Variants in GLIS3 observed in about 807,000 individuals in gnomAD.
GLIS3 encodes zinc finger protein GLIS3.
In GLIS3, 53 loss-of-function variants were observed where a neutral mutation model predicts 78.6. That is an observed-to-expected ratio of 0.67 (90% CI 0.54 to 0.85). The LOEUF (loss-of-function observed/expected upper bound fraction) is 0.85, where lower values mean the gene tolerates loss of function less well. Among genes scored for constraint, GLIS3 ranks in the 40% least tolerant of loss-of-function variants. The pLI is 0.00. For missense variants in GLIS3, 1,703 were observed against 1,231.1 expected (o/e 1.38, Z -5.74); for synonymous variants, 684 against 509.9 (o/e 1.34, Z -4.60).
At chr9:4,059,829 T>TGTGTGTGTGAGAGAGAGAGAGAGAGAGA in intron 4 of GLIS3, among the ~76,000 whole-genome samples, 1 of 100,648 alleles carries the variant, frequency 9.9e-6, no homozygotes, top group Non-Finnish European at 2.1e-5. Flanking sequence ...TGTGTGTGTG[T>TGTGTGTGTGAGAGAGAGAGAGAGAGAGA]GAGAGAGAGA....
chr9:4,444,532 C>G, the GLIS3 span, among the ~76,000 whole-genome samples: 1 of 121,210 alleles, frequency 8.3e-6, no homozygotes, highest in Non-Finnish European at 1.9e-5. Context: ...TGTATTCCAA[C>G]AACTTCAAAC....
the GLIS3 span, among the ~76,000 whole-genome samples, chr9:4,442,073 C>A: frequency 1.3e-5 from 2 of 152,192 alleles, no homozygotes; most frequent in Non-Finnish European, 2.9e-5. Context: ...GTGAAACTAT[C>A]AAGTTCCAGG....
intron 1 of GLIS3, among the ~76,000 whole-genome samples, chr9:4,296,847 A>G (rs1454759286): frequency 6.6e-6 from 1 of 151,724 alleles, no homozygotes; most frequent in African/African-American, 2.4e-5. Flanking sequence ...GTGAAAATAA[A>G]TGAAAACTGC....
chr9:4,050,881 C>A (rs985481845), intron 4 of GLIS3, among the ~76,000 whole-genome samples: 1 of 152,192 alleles, frequency 6.6e-6, no homozygotes, highest in African/African-American at 2.4e-5. Context: ...AGCCTTCACA[C>A]CTGCAGGTGA....
Position 4,065,046 on chromosome 9 carries a change from G to A in GLIS3, c.1710+52722C>T, listed in dbSNP as rs1286227876. Among the ~76,000 whole-genome samples the A allele has an allele frequency of 3.3e-5, 5 of 152,172 alleles. No homozygotes were observed. In the South Asian group the frequency reaches 1.0e-3, roughly 32 times the overall value. ...AGAAAAGGGAAAAAGTTGGATTCTAGAAACTACAAAAGGCCAATGACTTTA... is the reference window on the plus strand; with the variant it reads ...AGAAAAGGGAAAAAGTTGGATTCTAAAAACTACAAAAGGCCAATGACTTTA... On this transcript the variant is annotated intron_variant, in intron 4 of 10. Transcript: ENST00000381971.
chr9:4,471,636 C>G, the GLIS3 span, among the ~76,000 whole-genome samples: 1 of 152,170 alleles, frequency 6.6e-6, no homozygotes, highest in East Asian at 1.9e-4. Flanking sequence ...TAAGTTAGAT[C>G]TAAAACCATA....
chr9:4,079,476 T>G (rs1375315549), intron 4 of GLIS3, among the ~76,000 whole-genome samples: 1 of 152,144 alleles, frequency 6.6e-6, no homozygotes, highest in African/African-American at 2.4e-5. Flanking sequence ...CTGGGGCAGT[T>G]CATCCCACTG....
At chr9:4,054,538 A>G (rs1303214694) in intron 4 of GLIS3, 1 of 975,672 alleles carries the variant, frequency 1.0e-6, no homozygotes, top group Non-Finnish European at 1.2e-6. Context: ...GCAAACACAG[A>G]TCTGATCAGT....
chr9:4,058,954 C>A (rs1056087897), intron 4 of GLIS3, among the ~76,000 whole-genome samples: 1 of 151,140 alleles, frequency 6.6e-6, no homozygotes, highest in African/African-American at 2.4e-5. Context: ...TGCACTCCAG[C>A]GTGGGCCACA....
chr9:4,088,765 G>A lies in GLIS3; in HGVS notation c.1710+29003C>T, dbSNP rs370055747. On this transcript the variant is annotated intron_variant, in intron 4 of 10. Transcript: ENST00000381971. ...AAATTTTAGTGCCTTTTACTATGAC[G>A]GAAATAAAATTATGTAGTTTCACAT... is the stretch of plus-strand genomic sequence containing the variant. Among the ~76,000 whole-genome samples, 13 of 152,230 alleles carry A rather than the reference G, an allele frequency of 8.5e-5. No individual in the cohort carries two copies. The East Asian group carries it at 1.2e-3, about 14-fold the overall frequency.
chr9:4,347,716 T>A (rs1433093079), intron 1 of GLIS3, among the ~76,000 whole-genome samples: 1 of 152,180 alleles, frequency 6.6e-6, no homozygotes, highest in Admixed American at 6.5e-5. Flanking sequence ...TTGTTTGTTT[T>A]TGGTTTGGTT....
the GLIS3 span, among the ~76,000 whole-genome samples, chr9:4,401,925 C>T: frequency 5.3e-5 from 8 of 152,096 alleles, no homozygotes; most frequent in African/African-American, 9.7e-5. Context: ...GAGGCAAGAG[C>T]GGGAAGCACT....
intron 2 of GLIS3, among the ~76,000 whole-genome samples, chr9:4,191,183 A>G (rs1210451782): frequency 2.6e-5 from 4 of 151,294 alleles, no homozygotes; most frequent in African/African-American, 4.8e-5. Context: ...ACACATAACA[A>G]TATTAACTTT....
the GLIS3 span, among the ~76,000 whole-genome samples, chr9:4,397,060 C>G: frequency 1.5e-5 from 2 of 132,004 alleles, no homozygotes; most frequent in African/African-American, 3.0e-5. Context: ...GAGTCTCGCT[C>G]TGTCTCCCAG....
chr9:4,250,632 G>A (rs556808998), intron 2 of GLIS3, among the ~76,000 whole-genome samples: 2 of 152,186 alleles, frequency 1.3e-5, no homozygotes, highest in Admixed American at 1.3e-4. Flanking sequence ...TCTGATCTTA[G>A]TTATTTCTTG....
intron 2 of GLIS3, among the ~76,000 whole-genome samples, chr9:4,155,696 C>G (rs1013564365): frequency 1.3e-5 from 2 of 152,144 alleles, no homozygotes; most frequent in African/African-American, 4.8e-5. Flanking sequence ...CGAGCAACTC[C>G]CCAGGCCCAC....
intron 4 of GLIS3, among the ~76,000 whole-genome samples, chr9:4,107,678 C>T (rs1341819122): frequency 6.6e-6 from 1 of 151,596 alleles, no homozygotes; most frequent in African/African-American, 2.4e-5. Context: ...CATTCCTAAG[C>T]ACAGTGATCT....
At chr9:4,434,518 G>T in the GLIS3 span, among the ~76,000 whole-genome samples, 5 of 152,202 alleles carry the variant, frequency 3.3e-5, no homozygotes, top group Non-Finnish European at 7.3e-5. Context: ...AGGGAAACCA[G>T]CAGATACCCA....
At chr9:4,333,268 G>A (rs1422641696) in intron 2 of GLIS3, among the ~76,000 whole-genome samples, 1 of 150,842 alleles carries the variant, frequency 6.6e-6, no homozygotes, top group Admixed American at 6.6e-5. Context: ...AAAATGGGAA[G>A]GGGAAGGGGA....
Sources: gnomAD v4.1 joint callset for allele counts (sites outside exome capture counted in the v4.1 genomes callset) on GRCh38, gnomAD v4.1.1 for gene constraint, MANE v1.5 for transcripts, NCBI Gene and HGNC (gene_info 2026-07-23, HGNC 2026-07-21) for gene names.